PLCL2: variants seen among roughly 807,000 people sequenced by gnomAD.
The protein encoded by PLCL2 is inactive phospholipase C-like protein 2.
In PLCL2, 4 loss-of-function variants were observed where a neutral mutation model predicts 79.6. The ratio of observed to expected loss-of-function variants is 0.05; its 90% CI spans 0.02 to 0.11. The LOEUF is 0.11. Ranked by LOEUF, PLCL2 falls within the 10% of genes least tolerant of loss-of-function variation. PLCL2 has a pLI of 1.00. For synonymous variants in PLCL2, 484 were observed against 457.7 expected (o/e 1.06, Z -0.73); for missense variants, 895 against 1,291.0 (o/e 0.69, Z 4.70).
chr3:16,988,762 T>A (rs1378225400), intron 1 of PLCL2, among the ~76,000 whole-genome samples: 1 of 152,146 alleles, frequency 6.6e-6, no homozygotes. Flanking sequence ...TTTGCATCTA[T>A]TAAGCCTTTA....
intron 5 of PLCL2, among the ~76,000 whole-genome samples, chr3:17,082,378 C>T (rs1015638641): frequency 5.3e-5 from 8 of 151,870 alleles, no homozygotes; most frequent in African/African-American, 9.7e-5. Flanking sequence ...GTGATCCGCC[C>T]GCCTCGGCCT....
At chr3:17,028,141 G>A (rs2064538638) in intron 3 of PLCL2, among the ~76,000 whole-genome samples, 1 of 152,178 alleles carries the variant, frequency 6.6e-6, no homozygotes, top group Non-Finnish European at 1.5e-5. Flanking sequence ...GGGCTGAAGG[G>A]CTGGGTGGAG....
In PLCL2 at chr3:17,064,928, C is replaced by CAA. The variant is rs1395020243; in HGVS notation, c.3095-3010_3095-3009dup. On this transcript the variant is annotated intron_variant, in intron 4 of 5. Coordinates refer to ENST00000615277, the MANE Select transcript of PLCL2 (RefSeq NM_001144382.2). ...TGGGCAGCAGAGTGAGACTCTGTCT[C>CAA]AAAAAAAAAAAAAAAAAAAGACATG... 1.1e-3 allele frequency among the ~76,000 whole-genome samples: 61 copies of CAA among 57,066 alleles called. 1 individual carries two copies. Among genetic ancestry groups the CAA allele is most frequent in the South Asian group, 9.2e-3 (15 of 1,624 alleles). 37.4% of individuals were successfully genotyped at this position (57,066 alleles called of 152,430 possible).
chr3:16,903,598 G>GAA, intron 1 of PLCL2, among the ~76,000 whole-genome samples: 1 of 152,216 alleles, frequency 6.6e-6, no homozygotes, highest in Non-Finnish European at 1.5e-5. Context: ...TCTTGCCAGT[G>GAA]AAAGTGTGGA....
At chr3:16,948,776 T>C (rs544650249) in intron 1 of PLCL2, among the ~76,000 whole-genome samples, 1 of 152,220 alleles carries the variant, frequency 6.6e-6, no homozygotes, top group African/African-American at 2.4e-5. Flanking sequence ...ATTGTACTTA[T>C]CTACCAGAGA....
At chr3:16,943,796 G>A (rs1468121695) in intron 1 of PLCL2, among the ~76,000 whole-genome samples, 1 of 152,066 alleles carries the variant, frequency 6.6e-6, no homozygotes, top group Admixed American at 6.5e-5. Context: ...GCTATGTTTA[G>A]GTTGTTTCTA....
At chr3:16,895,631 C>T (rs943036668) in intron 1 of PLCL2, among the ~76,000 whole-genome samples, 2 of 152,126 alleles carry the variant, frequency 1.3e-5, no homozygotes, top group African/African-American at 2.4e-5. Flanking sequence ...GGAGTTACTC[C>T]ATATGTATAT....
chr3:16,995,780 T>A (rs1372281723), intron 1 of PLCL2, among the ~76,000 whole-genome samples: 17 of 152,346 alleles, frequency 1.1e-4, no homozygotes, highest in Admixed American at 7.8e-4. Context: ...GTAGGCTCCG[T>A]GGAGGATTCA....
At chr3:17,042,686 AC>A in intron 3 of PLCL2, 187 bp from the exon 4 acceptor site, 1 of 543,632 alleles carries the variant, frequency 1.8e-6, no homozygotes, top group South Asian at 2.2e-5. Context: ...TCTTGTTTTA[AC>A]CATTATGTGG....
intron 5 of PLCL2, among the ~76,000 whole-genome samples, chr3:17,087,279 GATAA>G (rs1381220759): frequency 3.3e-5 from 5 of 152,188 alleles, no homozygotes; most frequent in East Asian, 1.9e-4. Flanking sequence ...TAAATGAATG[GATAA>G]ATAAACTGCA....
intron 1 of PLCL2, among the ~76,000 whole-genome samples, chr3:16,936,751 A>G (rs1209705711): frequency 6.6e-6 from 1 of 152,040 alleles, no homozygotes; most frequent in Non-Finnish European, 1.5e-5. Context: ...GCTAAGCCAT[A>G]TTTTTTCAAA....
intron 5 of PLCL2, among the ~76,000 whole-genome samples, chr3:17,078,549 C>G (rs1484305852): frequency 6.6e-6 from 1 of 152,086 alleles, no homozygotes; most frequent in Non-Finnish European, 1.5e-5. Flanking sequence ...GCCAGGCTAG[C>G]TCTCCTGACC....
intron 1 of PLCL2, among the ~76,000 whole-genome samples, chr3:16,951,936 G>A (rs1391225833): frequency 1.3e-5 from 2 of 152,042 alleles, no homozygotes; most frequent in Non-Finnish European, 2.9e-5. Context: ...TTAAAGCTTA[G>A]TAAATTATTA....
intron 1 of PLCL2, among the ~76,000 whole-genome samples, chr3:16,897,986 G>T (rs925793411): frequency 1.2e-4 from 17 of 145,814 alleles, no homozygotes; most frequent in Admixed American, 1.1e-3. Flanking sequence ...ATTTTTTTAG[G>T]TCATTTTTTT....
At chr3:16,944,801 C>A (rs1230319239) in intron 1 of PLCL2, among the ~76,000 whole-genome samples, 3 of 151,664 alleles carry the variant, frequency 2.0e-5, no homozygotes, top group Admixed American at 6.6e-5. Context: ...CTTCTGTCGC[C>A]CAGGCTGGAG....
intron 1 of PLCL2, among the ~76,000 whole-genome samples, chr3:16,981,019 G>A (rs1053044596): frequency 4.6e-5 from 7 of 152,208 alleles, no homozygotes; most frequent in African/African-American, 9.6e-5. Context: ...GCCTGCAATC[G>A]CAGGCACTCG....
intron 1 of PLCL2, among the ~76,000 whole-genome samples, chr3:16,957,069 A>G (rs562890902): frequency 9.1e-4 from 138 of 152,172 alleles, no homozygotes; most frequent in African/African-American, 3.2e-3. Context: ...GTCTTCTGCT[A>G]GCTTTTGCAT....
chr3:16,980,001 C>T (rs1285427622), intron 1 of PLCL2, among the ~76,000 whole-genome samples: 2 of 144,860 alleles, frequency 1.4e-5, no homozygotes, highest in African/African-American at 5.2e-5. Context: ...GATGGGGCAG[C>T]TGGCCGGGCA....
At chr3:17,065,354 CCTT>C (rs2064999564) in intron 4 of PLCL2, among the ~76,000 whole-genome samples, 2 of 152,198 alleles carry the variant, frequency 1.3e-5, no homozygotes, top group Admixed American at 1.3e-4. Context: ...AGTCCCCAAT[CCTT>C]CTCAAGGCAG....
Sources: gnomAD v4.1 joint callset for allele counts (sites outside exome capture counted in the v4.1 genomes callset) on GRCh38, gnomAD v4.1.1 for gene constraint, MANE v1.5 for transcripts, NCBI Gene and HGNC (gene_info 2026-07-23, HGNC 2026-07-21) for gene names.